TMEM108: variants seen among roughly 807,000 people sequenced by gnomAD.
The protein encoded by TMEM108 is cancer/testis antigen 124.
Under a neutral mutation model 35.1 loss-of-function variants are expected in TMEM108, and 12 were observed. The observed-to-expected ratio is 0.34, with a 90% confidence interval of 0.22 to 0.55. TMEM108 has a LOEUF of 0.55. TMEM108 is among the 20% of genes least tolerant of loss of function. TMEM108 has a pLI of 0.89. For synonymous variants in TMEM108, 287 were observed against 308.6 expected, an observed-to-expected ratio of 0.93 and a Z score of 0.73; for missense variants, 680 against 753.3, an observed-to-expected ratio of 0.90 and a Z score of 1.14.
At chr3:133,322,388 T>C (rs1043519359) in intron 3 of TMEM108, among the ~76,000 whole-genome samples, 2 of 152,130 alleles carry the variant, frequency 1.3e-5, no homozygotes, top group South Asian at 2.1e-4. Context: ...AACACTACTA[T>C]GAACACCTTT....
chr3:133,240,435 G>A lies in TMEM108; in HGVS notation c.40+11084G>A, dbSNP rs1946296718. Among the ~76,000 whole-genome samples, 4 of 152,182 alleles carry A rather than the reference G, an allele frequency of 2.6e-5. No homozygotes were observed. In the South Asian group the frequency reaches 8.3e-4, roughly 32 times the overall value. ...ATAAGACATTCTCATTGTAAACAAT[G>A]CCAATGGGGACTAAGAAAAAATATT... On this transcript the variant is annotated intron_variant, in intron 3 of 5. Coordinates refer to ENST00000321871, the MANE Select transcript of TMEM108 (RefSeq NM_023943.4).
At chr3:133,100,865 A>G (rs1040154195) in intron 2 of TMEM108, among the ~76,000 whole-genome samples, 5 of 152,246 alleles carry the variant, frequency 3.3e-5, no homozygotes, top group African/African-American at 1.2e-4. Flanking sequence ...AATTTTTACA[A>G]TAATCATAAC....
At chr3:133,322,528 T>TA (rs1001903747) in intron 3 of TMEM108, among the ~76,000 whole-genome samples, 8 of 151,952 alleles carry the variant, frequency 5.3e-5, no homozygotes, top group Non-Finnish European at 7.4e-5. Context: ...GAAAAAGTAA[T>TA]AAAAAAATTA....
In TMEM108 at chr3:133,379,869, C is replaced by T. The variant is rs564663344; in HGVS notation, c.158C>T (p.Ala53Val). ...ACTCCCCCGGGAACCATGGTGACAGCACCCCACAGCTCTACCAGACATACT... is the reference window on the plus strand; with the variant it reads ...ACTCCCCCGGGAACCATGGTGACAGTACCCCACAGCTCTACCAGACATACT... ...SGTPPGTMVT[A>V]PHSSTRHTSV... Residue 53 changes from alanine (A) to valine (V), a missense_variant, in exon 4 of 6, where the codon GCA (alanine) becomes GTA (valine). Around this residue, in one of 3 missense-constraint regions of TMEM108, gnomAD observed 49 missense variants for 70.6 expected, o/e 0.69. Coordinates refer to ENST00000321871, the MANE Select transcript of TMEM108 (RefSeq NM_023943.4). The T allele has an allele frequency of 3.7e-6, 6 of 1,614,010 alleles. No homozygotes were observed. In the South Asian group the frequency reaches 5.5e-5, roughly 15 times the overall value.
chr3:133,249,464 C>T (rs1210500933), intron 3 of TMEM108, among the ~76,000 whole-genome samples: 1 of 152,178 alleles, frequency 6.6e-6, no homozygotes, highest in Non-Finnish European at 1.5e-5. Flanking sequence ...TCCTCCTTCC[C>T]TCCACCTTCC....
chr3:133,081,653 T>C (rs1943812922), intron 2 of TMEM108, among the ~76,000 whole-genome samples: 1 of 152,230 alleles, frequency 6.6e-6, no homozygotes. Context: ...TATTTAATGC[T>C]TCAGCATTGT....
At chr3:133,104,473 C>G (rs1020193425) in intron 2 of TMEM108, among the ~76,000 whole-genome samples, 1 of 152,048 alleles carries the variant, frequency 6.6e-6, no homozygotes, top group South Asian at 2.1e-4. Flanking sequence ...TTCTTAATCT[C>G]TAGTTTGAGT....
chr3:133,275,395 A>G (rs80311114), intron 3 of TMEM108, among the ~76,000 whole-genome samples: 2,536 of 152,264 alleles, frequency 0.017, 91 homozygotes, highest in African/African-American at 0.058. Context: ...ATGTAATTGG[A>G]TTTTTCACAT....
intron 2 of TMEM108, among the ~76,000 whole-genome samples, chr3:133,193,835 C>A (rs114417782): frequency 0.014 from 2,100 of 151,756 alleles, 51 homozygotes; most frequent in African/African-American, 0.048. Context: ...TACTATTAAA[C>A]TGATTAAATA....
At chr3:133,388,434 C>T (rs1212770626) in intron 4 of TMEM108, 2 of 985,326 alleles carry the variant, frequency 2.0e-6, no homozygotes, top group Non-Finnish European at 2.4e-6. Flanking sequence ...ACCACAGCCC[C>T]CTCCTTGCCC....
chr3:133,164,044 T>C (rs1300600839), intron 2 of TMEM108, among the ~76,000 whole-genome samples: 1 of 152,210 alleles, frequency 6.6e-6, no homozygotes, highest in East Asian at 1.9e-4. Context: ...CTATCAAAGA[T>C]ACACAGTCTG....
At position 133,179,876 on chromosome 3, in the gene TMEM108, G is replaced by A. The variant is rs1042221013; in HGVS notation, c.-46-49390G>A. 2.2e-5 allele frequency among the ~76,000 whole-genome samples: 3 copies of A among 133,660 alleles called. No individual in the cohort carries two copies. The East Asian group carries it at 5.9e-4, about 26-fold the overall frequency. The allele number at this position is 133,660 out of a possible 152,430, so 87.7% of individuals were successfully genotyped here. A position where few individuals can be genotyped will look rare whatever the true frequency, so the allele number is the denominator to read the frequency against. The stretch of plus-strand genomic sequence containing the variant: ...GCAAAATGTCTAGCCATACTTACAA[G>A]CCTTATCAAAAAAAAAAATGCAACC... On this transcript the variant is annotated intron_variant, in intron 2 of 5. Transcript: ENST00000321871.
At chr3:133,303,838 G>A (rs979639371) in intron 3 of TMEM108, among the ~76,000 whole-genome samples, 3 of 152,190 alleles carry the variant, frequency 2.0e-5, no homozygotes, top group Admixed American at 6.5e-5. Flanking sequence ...TAATGTGGTT[G>A]CTGTTTCCTT....
intron 3 of TMEM108, among the ~76,000 whole-genome samples, chr3:133,360,857 A>G (rs193115151): frequency 2.0e-5 from 3 of 152,328 alleles, no homozygotes; most frequent in Admixed American, 2.0e-4. Context: ...ACTTCAAGGT[A>G]AGAGACAGTG....
intron 4 of TMEM108, chr3:133,388,800 G>A: frequency 4.1e-6 from 4 of 985,358 alleles, no homozygotes; most frequent in Non-Finnish European, 3.6e-6. Flanking sequence ...GGGCTGTGAG[G>A]TCTCAGCCTA....
chr3:133,203,770 T>C (rs183529661), intron 2 of TMEM108, among the ~76,000 whole-genome samples: 1 of 152,308 alleles, frequency 6.6e-6, no homozygotes, highest in Non-Finnish European at 1.5e-5. Context: ...TTTTGTTGTG[T>C]CCCTGCCAGA....
At chr3:133,130,886 C>T (rs76918630) in intron 2 of TMEM108, among the ~76,000 whole-genome samples, 8 of 152,166 alleles carry the variant, frequency 5.3e-5, no homozygotes, top group Non-Finnish European at 1.2e-4. Context: ...ATTTAACTGA[C>T]ATAACTTATA....
intron 3 of TMEM108, among the ~76,000 whole-genome samples, chr3:133,327,869 C>T (rs2071349719): frequency 6.6e-6 from 1 of 151,962 alleles, no homozygotes; most frequent in African/African-American, 2.4e-5. Context: ...GGAAAAAGTG[C>T]AGGCAGGAGG....
Position 133,067,227 on chromosome 3 carries a change from A to G in TMEM108, c.-47+21207A>G, listed in dbSNP as rs540831601. ...CTAGATAATGTCAAATTATTTTCCA[A>G]AGAGATTTCTGCTCCCACTAGTGTA... On this transcript the variant is annotated intron_variant, in intron 2 of 5. Coordinates refer to ENST00000321871, the MANE Select transcript of TMEM108 (RefSeq NM_023943.4). 1.2e-3 allele frequency among the ~76,000 whole-genome samples: 190 copies of G among 152,246 alleles called. 1 individual carries two copies. Among genetic ancestry groups the G allele is most frequent in the African/African-American group, 4.4e-3 (183 of 41,536 alleles).
Sources: allele counts gnomAD v4.1 joint callset (sites outside exome capture counted in the v4.1 genomes callset), GRCh38; gene constraint gnomAD v4.1.1; regional missense constraint gnomAD v4.1.1; transcripts MANE v1.5; gene names NCBI Gene and HGNC (gene_info 2026-07-23, HGNC 2026-07-21).